The following OOSP3 variants were observed in gnomAD, a reference collection of about 807,000 sequenced individuals.
The protein encoded by OOSP3 is oocyte secreted protein family member 3, also known as oocyte-secreted protein 3.
At chr11:59,894,048 A>T (rs769221725) in intron 2 of OOSP3, 31 bp from the exon 3 acceptor site, 11 of 398,308 alleles carry the variant, frequency 2.8e-5, no homozygotes, top group African/African-American at 2.1e-4. Flanking sequence ...GTGACATGAC[A>T]TCAACTTATA....
intron 2 of OOSP3, among the ~76,000 whole-genome samples, chr11:59,893,793 G>A (rs1319629343): frequency 6.6e-6 from 1 of 152,196 alleles, no homozygotes; most frequent in African/African-American, 2.4e-5. Context: ...AAAAAAACTT[G>A]TTAAGTAGAA....
chr11:59,893,787 A>G lies in OOSP3; in HGVS notation c.253-292A>G, dbSNP rs1054995940. Among the ~76,000 whole-genome samples, 9 of 152,352 alleles carry G rather than the reference A, an allele frequency of 5.9e-5. No individual in the cohort carries two copies. In the South Asian group the frequency reaches 1.7e-3, roughly 28 times the overall value. On this transcript the variant is annotated intron_variant, in intron 2 of 4. Coordinates refer to ENST00000646438, the Ensembl canonical transcript of OOSP3. ...TTTAAGAGCTAAATATGAGAAAAAA[A>G]AACTTGTTAAGTAGAAGCTGTAGCC...
chr11:59,895,880 G>C (rs916206325), intron 4 of OOSP3, among the ~76,000 whole-genome samples: 3 of 152,078 alleles, frequency 2.0e-5, no homozygotes, highest in Admixed American at 2.0e-4. Flanking sequence ...CTTTACCCTA[G>C]TTATGACAAA....
intron 2 of OOSP3, among the ~76,000 whole-genome samples, chr11:59,887,948 TC>T (rs2134529091): frequency 6.6e-6 from 1 of 152,290 alleles, no homozygotes; most frequent in South Asian, 2.1e-4. Flanking sequence ...AATGTTTTTT[TC>T]ATCTGTTTGT....
chr11:59,896,205 A>G, exon 5 of OOSP3: 1 of 398,418 alleles, frequency 2.5e-6, no homozygotes, highest in East Asian at 3.6e-5. Flanking sequence ...AAATGTAGCT[A>G]TATTCTAGGT....
chr11:59,887,084 C>T (rs1853268998), intron 2 of OOSP3, among the ~76,000 whole-genome samples: 1 of 151,424 alleles, frequency 6.6e-6, no homozygotes, highest in Non-Finnish European at 1.5e-5. Context: ...CATGAGCCAC[C>T]ACACCCCTTT....
chr11:59,885,299 C>T (rs546203475), intron 2 of OOSP3, among the ~76,000 whole-genome samples: 152 of 152,038 alleles, frequency 1.0e-3, no homozygotes, highest in Middle Eastern at 3.4e-3. Flanking sequence ...TGGGGGGGCG[C>T]GTGGTTAGAC....
chr11:59,893,359 C>CT (rs149839144), intron 2 of OOSP3, among the ~76,000 whole-genome samples: 1 of 151,846 alleles, frequency 6.6e-6, no homozygotes, highest in African/African-American at 2.4e-5. Context: ...ACTGTAGTGG[C>CT]TTTTTTTTCT....
intron 2 of OOSP3, among the ~76,000 whole-genome samples, chr11:59,891,244 A>G (rs758705478): frequency 9.9e-5 from 15 of 152,134 alleles, no homozygotes; most frequent in Non-Finnish European, 1.6e-4. Flanking sequence ...AGCGAAGTTC[A>G]TTATTACCCA....
intron 2 of OOSP3, among the ~76,000 whole-genome samples, chr11:59,883,884 CT>C (rs767377588): frequency 5.9e-5 from 9 of 152,134 alleles, no homozygotes; most frequent in Admixed American, 2.0e-4. Flanking sequence ...AACTTAGCTA[CT>C]TTTAAAGGAA....
chr11:59,885,963 A>G (rs1853253464), intron 2 of OOSP3, among the ~76,000 whole-genome samples: 1 of 152,092 alleles, frequency 6.6e-6, no homozygotes, highest in South Asian at 2.1e-4. Flanking sequence ...AATGTGTGCC[A>G]TGGTGGTTTG....
In OOSP3 at chr11:59,882,100, G is replaced by A. The variant is rs367731568; in HGVS notation, c.252+1661G>A. Among the ~76,000 whole-genome samples, 8 of 152,130 alleles carry A rather than the reference G, an allele frequency of 5.3e-5. No homozygotes were observed. The East Asian group carries it at 9.7e-4, about 18-fold the overall frequency. On this transcript the variant is annotated intron_variant, in intron 2 of 4. Coordinates refer to ENST00000646438, the Ensembl canonical transcript of OOSP3. ...AAAGTATGACTTATTATGGATATAG[G>A]GAAATCATTACAAAGGCCAAAGAAT...
intron 2 of OOSP3, among the ~76,000 whole-genome samples, chr11:59,887,881 T>C (rs1466326952): frequency 6.6e-6 from 1 of 152,232 alleles, no homozygotes; most frequent in African/African-American, 2.4e-5. Flanking sequence ...ATCTAGAAAT[T>C]GCTTTGGGCA....
chr11:59,879,038 GC>G (rs1853178305), intron 1 of OOSP3, among the ~76,000 whole-genome samples, 157 bp downstream of exon 1: 1 of 152,112 alleles, frequency 6.6e-6, no homozygotes, highest in South Asian at 2.1e-4. Flanking sequence ...CTACCACCCC[GC>G]AAAGCAAGTG....
chr11:59,894,477 T>A (rs1456298813), intron 3 of OOSP3, among the ~76,000 whole-genome samples: 4 of 152,184 alleles, frequency 2.6e-5, no homozygotes, highest in Admixed American at 6.5e-5. Flanking sequence ...CTCTCATGAT[T>A]CAGTGATTTG....
intron 2 of OOSP3, among the ~76,000 whole-genome samples, chr11:59,882,681 C>T (rs1471274891): frequency 6.6e-6 from 1 of 152,148 alleles, no homozygotes; most frequent in East Asian, 1.9e-4. Flanking sequence ...GTGTACAATA[C>T]AGTGGTTTTT....
intron 2 of OOSP3, among the ~76,000 whole-genome samples, chr11:59,893,037 A>G (rs1229477512): frequency 6.6e-6 from 1 of 152,206 alleles, no homozygotes; most frequent in Non-Finnish European, 1.5e-5. Flanking sequence ...AGAAATCACT[A>G]TTGAATACAT....
chr11:59,880,168 C>T (rs2134523903), intron 1 of OOSP3, 93 bp from the exon 2 acceptor site: 1 of 396,614 alleles, frequency 2.5e-6, no homozygotes, highest in Non-Finnish European at 4.4e-6. Flanking sequence ...GGTGTATATA[C>T]ATATGTTTAA....
At chr11:59,889,099 C>G (rs1377626240) in intron 2 of OOSP3, among the ~76,000 whole-genome samples, 1 of 152,020 alleles carries the variant, frequency 6.6e-6, no homozygotes, top group East Asian at 1.9e-4. Context: ...TTATAGTATT[C>G]TCTGATGGTT....
Sources: gnomAD v4.1 joint callset for allele counts (sites outside exome capture counted in the v4.1 genomes callset) on GRCh38, gnomAD v4.1.1 for gene constraint, MANE v1.5 for transcripts, NCBI Gene and HGNC (gene_info 2026-07-23, HGNC 2026-07-21) for gene names.